The following TBC1D14 variants were observed in gnomAD, a reference collection of about 807,000 sequenced individuals.
TBC1D14 encodes TBC1 domain family, member 14.
TBC1D14 carries 26 observed loss-of-function variants against 79.0 expected under a neutral mutation model. The observed-to-expected ratio is 0.33, with a 90% confidence interval of 0.24 to 0.46. The LOEUF is 0.46. Ranked by LOEUF, TBC1D14 falls within the 20% of genes least tolerant of loss-of-function variation. The probability of loss-of-function intolerance (pLI) is 1.00; values close to 1 mark genes in which losing one functional copy is unlikely to be tolerated. For missense variants in TBC1D14, 769 were observed against 887.6 expected (o/e 0.87, Z 1.70); for synonymous variants, 394 against 349.9 (o/e 1.13, Z -1.40).
chr4:7,015,038 C>T (rs532718711), intron 12 of TBC1D14, among the ~76,000 whole-genome samples: 8 of 152,140 alleles, frequency 5.3e-5, no homozygotes, highest in South Asian at 2.1e-4. Context: ...CCAGAGTCAG[C>T]GGGCACTGTA....
intron 2 of TBC1D14, among the ~76,000 whole-genome samples, chr4:6,932,459 G>C (rs1158568798): frequency 6.6e-6 from 1 of 152,128 alleles, no homozygotes. Flanking sequence ...CAGCAAGGGA[G>C]AAGGATGCAG....
chr4:7,013,092 T>C (rs956860471), intron 11 of TBC1D14, among the ~76,000 whole-genome samples: 4 of 152,216 alleles, frequency 2.6e-5, no homozygotes, highest in Non-Finnish European at 5.9e-5. Flanking sequence ...TCATAGCTTG[T>C]ATTTTGAAGG....
intron 2 of TBC1D14, among the ~76,000 whole-genome samples, chr4:6,966,353 A>C (rs1715698061): frequency 6.6e-6 from 1 of 152,208 alleles, no homozygotes; most frequent in African/African-American, 2.4e-5. Context: ...TTTTGTGTTA[A>C]TACTACTAGT....
intron 12 of TBC1D14, among the ~76,000 whole-genome samples, chr4:7,015,295 A>G (rs1721173238): frequency 1.3e-5 from 2 of 152,050 alleles, no homozygotes. Flanking sequence ...GAAAAAGCTG[A>G]AGTAGGTGGA....
chr4:6,915,815 C>A (rs1400248506), intron 1 of TBC1D14, among the ~76,000 whole-genome samples: 2 of 151,862 alleles, frequency 1.3e-5, no homozygotes, highest in African/African-American at 4.8e-5. Flanking sequence ...TGGGCCTGAC[C>A]CTTAGGATAA....
intron 2 of TBC1D14, among the ~76,000 whole-genome samples, chr4:6,956,671 ATAGCCAC>A (rs1714671840): frequency 6.6e-6 from 1 of 152,226 alleles, no homozygotes; most frequent in Non-Finnish European, 1.5e-5. Flanking sequence ...CAAGGCTGGC[ATAGCCAC>A]TGCTTGGTCT....
At position 7,031,662 on chromosome 4, in the gene TBC1D14, C is replaced by A. The variant is rs1192481339; in HGVS notation, c.*1270C>A. 2 of 152,282 alleles carry A rather than the reference C, an allele frequency of 1.3e-5. No individual in the cohort carries two copies. The highest frequency in any genetic ancestry group is 4.8e-5 in the African/African-American group (2 of 41,468). 9.4% of individuals were successfully genotyped at this position (152,282 alleles called of 1,614,324 possible). A position where few individuals can be genotyped will look rare whatever the true frequency, so the allele number is the denominator to read the frequency against. On this transcript the variant is annotated 3_prime_UTR_variant, in exon 14 of 14. Coordinates refer to ENST00000409757, the MANE Select transcript of TBC1D14 (RefSeq NM_020773.3). ...GGCCAGTGTCTGGAAGCAGGGCCCA[C>A]GTGGCGGTCCGCTGGCAGGCTGGTC...
At chr4:6,915,054 A>C (rs1199754566) in intron 1 of TBC1D14, among the ~76,000 whole-genome samples, 1 of 152,138 alleles carries the variant, frequency 6.6e-6, no homozygotes, top group East Asian at 1.9e-4. Flanking sequence ...CAAAACAAAA[A>C]GAGAAAGAGA....
chr4:7,032,425 A>G lies in TBC1D14; in HGVS notation c.*2033A>G, dbSNP rs1387502613. 2.6e-5 allele frequency: 4 copies of G among 152,600 alleles called. No individual in the cohort carries two copies. Among genetic ancestry groups the G allele is most frequent in the African/African-American group, 9.7e-5 (4 of 41,426 alleles). 9.5% of individuals were successfully genotyped at this position (152,600 alleles called of 1,614,324 possible). On this transcript the variant is annotated 3_prime_UTR_variant, in exon 14 of 14. Transcript: ENST00000409757. ...CAGTGTGTTCAGATTGCCCCTGGGG[A>G]TCTTCTGTGTCTTCAGCGCCCAGCC...
At chr4:6,935,618 G>A (rs529754950) in intron 2 of TBC1D14, among the ~76,000 whole-genome samples, 13 of 150,420 alleles carry the variant, frequency 8.6e-5, no homozygotes, top group African/African-American at 2.7e-4. Context: ...ATTGTTTGTA[G>A]TGTTGCTTCA....
At chr4:6,946,467 G>A (rs927867064) in intron 2 of TBC1D14, among the ~76,000 whole-genome samples, 2 of 151,982 alleles carry the variant, frequency 1.3e-5, no homozygotes, top group African/African-American at 4.8e-5. Flanking sequence ...TTACAGGTGC[G>A]TGCCACCAGG....
At chr4:6,936,843 T>C (rs1712380329) in intron 2 of TBC1D14, among the ~76,000 whole-genome samples, 1 of 152,198 alleles carries the variant, frequency 6.6e-6, no homozygotes, top group African/African-American at 2.4e-5. Context: ...TTTTGTTTTG[T>C]TTTTGGTGAA....
intron 2 of TBC1D14, among the ~76,000 whole-genome samples, chr4:6,948,845 G>A (rs564851598): frequency 1.3e-5 from 2 of 151,616 alleles, no homozygotes; most frequent in East Asian, 2.0e-4. Flanking sequence ...GATTACAGGC[G>A]TGAGCCACCA....
intron 2 of TBC1D14, among the ~76,000 whole-genome samples, chr4:6,963,776 C>T (rs755401924): frequency 1.3e-5 from 2 of 152,202 alleles, no homozygotes; most frequent in South Asian, 4.1e-4. Flanking sequence ...AGCCTAAGCT[C>T]TTATGTTAAA....
intron 13 of TBC1D14, among the ~76,000 whole-genome samples, chr4:7,027,339 ACAC>A (rs1722483403): frequency 1.5e-5 from 2 of 131,628 alleles, no homozygotes; most frequent in South Asian, 2.7e-4. Flanking sequence ...CACCCCACAC[ACAC>A]AATCACCTCC....
chr4:6,926,623 C>T (rs920985587), intron 2 of TBC1D14, among the ~76,000 whole-genome samples: 1 of 152,284 alleles, frequency 6.6e-6, no homozygotes, highest in Non-Finnish European at 1.5e-5. Context: ...TGGGCAGAGT[C>T]TAGGGTTCTT....
chr4:7,011,071 C>T (rs961227695), intron 11 of TBC1D14, among the ~76,000 whole-genome samples: 1 of 152,140 alleles, frequency 6.6e-6, no homozygotes, highest in Non-Finnish European at 1.5e-5. Context: ...AGTGTGGCTC[C>T]TGCTTAAACT....
At chr4:7,011,274 T>C (rs538691441) in intron 11 of TBC1D14, among the ~76,000 whole-genome samples, 2 of 148,088 alleles carry the variant, frequency 1.4e-5, no homozygotes, top group South Asian at 2.3e-4. Context: ...GCCATTTGTT[T>C]AGTGGACCGC....
chr4:6,923,191 G>A (rs1413155601), intron 1 of TBC1D14, among the ~76,000 whole-genome samples, 182 bp from the exon 2 acceptor site: 1 of 152,208 alleles, frequency 6.6e-6, no homozygotes, highest in Non-Finnish European at 1.5e-5. Context: ...GACAGAGCGA[G>A]AGTCTGTGTC....
Sources: allele counts gnomAD v4.1 joint callset (sites outside exome capture counted in the v4.1 genomes callset), GRCh38; gene constraint gnomAD v4.1.1; transcripts MANE v1.5; gene names NCBI Gene and HGNC (gene_info 2026-07-23, HGNC 2026-07-21).